Variants in CNGA3 observed in about 807,000 individuals in gnomAD.
CNGA3 encodes the protein cyclic nucleotide gated channel subunit alpha 3.
CNGA3 carries 42 observed loss-of-function variants against 46.6 expected under a neutral mutation model. That is an observed-to-expected ratio of 0.90 (90% CI 0.70 to 1.17). The LOEUF (loss-of-function observed/expected upper bound fraction) is 1.17, where lower values mean the gene tolerates loss of function less well. CNGA3 is among the 50% of genes most tolerant of loss of function. CNGA3 has a pLI of 0.00. For synonymous variants in CNGA3, 394 were observed against 369.4 expected, an observed-to-expected ratio of 1.07 and a Z score of -0.76; for missense variants, 893 against 890.7, an observed-to-expected ratio of 1.00 and a Z score of -0.03.
intron 1 of CNGA3, among the ~76,000 whole-genome samples, chr2:98,354,786 A>G (rs963986419): frequency 6.6e-6 from 1 of 152,228 alleles, no homozygotes; most frequent in African/African-American, 2.4e-5. Context: ...CTCTGTCTCT[A>G]AAGAAATAAA....
At chr2:98,387,087 C>T (rs1176631889) in intron 5 of CNGA3, among the ~76,000 whole-genome samples, 1 of 152,184 alleles carries the variant, frequency 6.6e-6, no homozygotes, top group Non-Finnish European at 1.5e-5. Flanking sequence ...ACGGTAAACT[C>T]TTTTGTAGTC....
intron 1 of CNGA3, among the ~76,000 whole-genome samples, chr2:98,362,011 TG>T (rs1692045834): frequency 6.6e-6 from 1 of 150,560 alleles, no homozygotes; most frequent in Non-Finnish European, 1.5e-5. Context: ...CCGGCCTTCT[TG>T]GCTTTTTAAT....
chr2:98,353,443 A>G (rs555713743), intron 1 of CNGA3, among the ~76,000 whole-genome samples: 85 of 152,296 alleles, frequency 5.6e-4, no homozygotes, highest in African/African-American at 2.0e-3. Context: ...TTATTATATC[A>G]TGGAACTTCT....
intron 1 of CNGA3, among the ~76,000 whole-genome samples, chr2:98,364,379 A>AAAATAAATAAAT (rs58612453): frequency 4.6e-5 from 7 of 151,444 alleles, no homozygotes; most frequent in African/African-American, 1.5e-4. Context: ...CTCCATCTCA[A>AAAATAAATAAAT]AAATAAATAA....
At chr2:98,387,362 T>G (rs992202796) in intron 5 of CNGA3, among the ~76,000 whole-genome samples, 3 of 152,198 alleles carry the variant, frequency 2.0e-5, no homozygotes, top group Admixed American at 6.5e-5. Context: ...ATTAGCAGAA[T>G]TTATCTCTCA....
At chr2:98,351,905 A>C (rs1339432696) in intron 1 of CNGA3, among the ~76,000 whole-genome samples, 6 of 152,158 alleles carry the variant, frequency 3.9e-5, no homozygotes, top group Admixed American at 3.9e-4. Context: ...TGCACATTTC[A>C]CTGGTTTTTA....
chr2:98,367,264 G>C (rs963922289), intron 1 of CNGA3, among the ~76,000 whole-genome samples: 5 of 149,452 alleles, frequency 3.3e-5, no homozygotes, highest in African/African-American at 1.2e-4. Flanking sequence ...GCGCGATCTC[G>C]GCTCACCGCA....
chr2:98,397,090 G>A lies in CNGA3; in HGVS notation c.1920G>A (p.Leu640=), dbSNP rs1692938979. ...AGCTGGGGTCCTCCCTGGACACCCT[G>A]CAGACCAGGTTTGCACGCCTCCTGG... The part of the protein sequence containing the change: ...VEQLGSSLDT[L]QTRFARLLAE... Residue 640 remains leucine, a synonymous_variant, in exon 8 of 8, where the codon CTG becomes CTA. Coordinates refer to ENST00000272602, the MANE Select transcript of CNGA3 (RefSeq NM_001298.3). 1 of 1,614,182 alleles carries A rather than the reference G, an allele frequency of 6.2e-7. No individual in the cohort carries two copies. The highest frequency in any genetic ancestry group is 1.1e-5 in the South Asian group (1 of 91,084).
intron 2 of CNGA3, among the ~76,000 whole-genome samples, chr2:98,373,150 A>G (rs1469658068): frequency 6.6e-6 from 1 of 152,170 alleles, no homozygotes; most frequent in Non-Finnish European, 1.5e-5. Context: ...GGCTGGGCCC[A>G]GCCCCTCCCC....
chr2:98,393,338 G>A (rs1015830082), intron 7 of CNGA3, among the ~76,000 whole-genome samples: 10 of 152,198 alleles, frequency 6.6e-5, no homozygotes, highest in Non-Finnish European at 5.9e-5. Flanking sequence ...CATTTCAAGT[G>A]CGTCTTGCTT....
chr2:98,380,466 C>T (rs1692513270), intron 4 of CNGA3, 112 bp downstream of exon 4: 1 of 1,305,734 alleles, frequency 7.7e-7, no homozygotes, highest in Non-Finnish European at 1.1e-6. Flanking sequence ...GAACGTCATC[C>T]CCATGAGCTG....
At chr2:98,384,765 T>C (rs1399430164) in intron 5 of CNGA3, among the ~76,000 whole-genome samples, 1 of 152,164 alleles carries the variant, frequency 6.6e-6, no homozygotes, top group Non-Finnish European at 1.5e-5. Context: ...GGCATCTTTG[T>C]CCTGGGGCTG....
chr2:98,358,957 C>A (rs1161472475), intron 1 of CNGA3, among the ~76,000 whole-genome samples: 2 of 152,170 alleles, frequency 1.3e-5, no homozygotes, highest in African/African-American at 4.8e-5. Context: ...GTTAAAGATT[C>A]TCTTAGCAGT....
rs1459421303 is a variant in CNGA3 at position 98,398,587 on chromosome 2, C to G, written c.*1332C>G. ...ATATTTGCACAGGAAAAATAAAGAC[C>G]TGGATTTAAAAATAGGAATGACTCT... On this transcript the variant is annotated 3_prime_UTR_variant, in exon 8 of 8. Coordinates refer to ENST00000272602, the MANE Select transcript of CNGA3 (RefSeq NM_001298.3). 6.6e-6 allele frequency: 1 copy of G among 151,902 alleles called. No homozygotes were observed. The highest frequency in any genetic ancestry group is 1.5e-5 in the Non-Finnish European group (1 of 68,002). The allele number at this position is 151,902 out of a possible 1,614,324, so 9.4% of individuals were successfully genotyped here. A position where few individuals can be genotyped will look rare whatever the true frequency, so the allele number is the denominator to read the frequency against.
At chr2:98,367,738 T>C (rs967650811) in intron 1 of CNGA3, among the ~76,000 whole-genome samples, 4 of 152,104 alleles carry the variant, frequency 2.6e-5, no homozygotes, top group African/African-American at 4.8e-5. Context: ...TAAATTGCCA[T>C]GTCCTGGCAA....
chr2:98,367,243 G>A (rs1320383644), intron 1 of CNGA3, among the ~76,000 whole-genome samples: 1 of 148,942 alleles, frequency 6.7e-6, no homozygotes, highest in East Asian at 2.0e-4. Context: ...CTGGAGGGCA[G>A]GAGTGCAGTG....
chr2:98,359,582 C>G (rs1691976076), intron 1 of CNGA3, among the ~76,000 whole-genome samples: 1 of 152,180 alleles, frequency 6.6e-6, no homozygotes, highest in Non-Finnish European at 1.5e-5. Flanking sequence ...TACTCAGGCC[C>G]CTTGGAGTTG....
chr2:98,374,600 C>T (rs2104188542), intron 2 of CNGA3, among the ~76,000 whole-genome samples: 1 of 152,322 alleles, frequency 6.6e-6, no homozygotes, highest in Admixed American at 6.5e-5. Flanking sequence ...ACCTGTGTGT[C>T]CTTGGGGACT....
At chr2:98,378,891 T>G (rs1692474739) in intron 3 of CNGA3, among the ~76,000 whole-genome samples, 1 of 152,194 alleles carries the variant, frequency 6.6e-6, no homozygotes, top group Non-Finnish European at 1.5e-5. Flanking sequence ...TTTCTGCATG[T>G]CCCCTCCATT....
Sources: allele counts gnomAD v4.1 joint callset (sites outside exome capture counted in the v4.1 genomes callset), GRCh38; gene constraint gnomAD v4.1.1; transcripts MANE v1.5; gene names NCBI Gene and HGNC (gene_info 2026-07-23, HGNC 2026-07-21).